The following MBD5 variants were observed in gnomAD, a reference collection of about 807,000 sequenced individuals.
The protein encoded by MBD5 is methyl-CpG binding domain protein 5.
MBD5 carries 13 observed loss-of-function variants against 117.3 expected under a neutral mutation model. The ratio of observed to expected loss-of-function variants is 0.11; its 90% CI spans 0.07 to 0.18. The LOEUF (loss-of-function observed/expected upper bound fraction) is 0.18. Ranked by LOEUF, MBD5 falls within the 10% of genes least tolerant of loss-of-function variation. MBD5 has a pLI of 1.00. For missense variants in MBD5, 1,879 were observed against 2,093.8 expected, an observed-to-expected ratio of 0.90 and a Z score of 2.00; for synonymous variants, 727 against 766.4, an observed-to-expected ratio of 0.95 and a Z score of 0.85.
At chr2:148,136,301 A>G (rs1390912991) in intron 1 of MBD5, among the ~76,000 whole-genome samples, 4 of 152,158 alleles carry the variant, frequency 2.6e-5, no homozygotes, top group Non-Finnish European at 4.4e-5. Context: ...TGTGTATTCA[A>G]ATTGAATTTA....
At position 148,173,379 on chromosome 2, in the gene MBD5, C is replaced by T. The variant is rs376802081; in HGVS notation, c.-924-5321C>T. Among the ~76,000 whole-genome samples the T allele has an allele frequency of 6.6e-5, 10 of 152,332 alleles. No individual in the cohort carries two copies. In the South Asian group the frequency reaches 1.0e-3, roughly 16 times the overall value. ...TGCCAGCGCCTGGGGCAGCCCACCC[C>T]GCTGCAGTCAGCACGCCTGGCTCTG... On this transcript the variant is annotated intron_variant, in intron 1 of 13. Transcript: ENST00000642680.
At position 148,489,682 on chromosome 2, in the gene MBD5, T is replaced by G; in HGVS notation, c.4050T>G (p.Ile1350Met). The change falls in exon 11 of 14, where the codon ATT (isoleucine) becomes ATG (methionine). Residue 1350 changes from isoleucine (I) to methionine (M), a missense_variant. Physicochemically the swap from Ile to Met is conservative, Grantham distance 10 (BLOSUM62 1). This residue lies in a region of MBD5 where 1,666 missense variants were observed against 1,792.2 expected (regional missense o/e 0.93). Coordinates refer to ENST00000642680, the MANE Select transcript of MBD5 (RefSeq NM_001378120.1). ...AVNSTTQISP[I>M]PALSAMSAFT... ...ACAGTACAACTCAGATCAGCCCCAT[T>G]CCAGCTCTGAGTGCCATGAGTGCCT... is the stretch of plus-strand genomic sequence containing the variant. 1 of 1,614,138 alleles carries G rather than the reference T, an allele frequency of 6.2e-7. No homozygotes were observed. Among genetic ancestry groups the G allele is most frequent in the Non-Finnish European group, 8.5e-7 (1 of 1,180,014 alleles).
At chr2:148,225,839 A>G (rs1332526596) in intron 2 of MBD5, among the ~76,000 whole-genome samples, 1 of 152,146 alleles carries the variant, frequency 6.6e-6, no homozygotes, top group African/African-American at 2.4e-5. Flanking sequence ...TTGGAACTCC[A>G]TTGTATGCTA....
intron 1 of MBD5, among the ~76,000 whole-genome samples, 170 bp from the exon 2 acceptor site, chr2:148,178,530 C>A (rs1199019061): frequency 6.6e-6 from 1 of 152,168 alleles, no homozygotes; most frequent in Non-Finnish European, 1.5e-5. Context: ...AACGGTTAAT[C>A]TTAATGTTAT....
intron 3 of MBD5, among the ~76,000 whole-genome samples, chr2:148,238,417 A>C (rs953981749): frequency 6.6e-6 from 1 of 152,224 alleles, no homozygotes; most frequent in Non-Finnish European, 1.5e-5. Context: ...TATTCCATTT[A>C]TAGGACAGAG....
chr2:148,285,908 T>G (rs1461765311), intron 3 of MBD5, among the ~76,000 whole-genome samples: 1 of 152,202 alleles, frequency 6.6e-6, no homozygotes, highest in East Asian at 1.9e-4. Flanking sequence ...ATTTATATTT[T>G]ATTAAAGTGA....
intron 4 of MBD5, among the ~76,000 whole-genome samples, chr2:148,369,049 G>A (rs1413294558): frequency 2.6e-5 from 4 of 152,024 alleles, no homozygotes; most frequent in East Asian, 1.9e-4. Flanking sequence ...ACACAGCATC[G>A]CCTCTGTAAT....
chr2:148,317,238 G>T (rs1258349940), intron 3 of MBD5, among the ~76,000 whole-genome samples: 1 of 151,798 alleles, frequency 6.6e-6, no homozygotes, highest in Non-Finnish European at 1.5e-5. Flanking sequence ...GCATGGTGGC[G>T]CATGCCTGTA....
chr2:148,054,579 A>G (rs1694806121), intron 1 of MBD5: 1 of 152,226 alleles, frequency 6.6e-6, no homozygotes, highest in Non-Finnish European at 1.5e-5. Context: ...TTTTTAGAAC[A>G]TTTTATGGCA....
intron 4 of MBD5, among the ~76,000 whole-genome samples, chr2:148,365,929 C>T (rs982260387): frequency 1.3e-5 from 2 of 152,028 alleles, no homozygotes; most frequent in Non-Finnish European, 2.9e-5. Context: ...CCTTCTGAAA[C>T]TATTCCAAAC....
At chr2:148,361,944 G>A (rs575654413) in intron 4 of MBD5, among the ~76,000 whole-genome samples, 1 of 152,342 alleles carries the variant, frequency 6.6e-6, no homozygotes, top group Non-Finnish European at 1.5e-5. Context: ...ATGCGGAACA[G>A]TGCACTCGGG....
intron 4 of MBD5, among the ~76,000 whole-genome samples, chr2:148,361,056 G>C (rs185148770): frequency 6.6e-6 from 1 of 152,154 alleles, no homozygotes; most frequent in Admixed American, 6.5e-5. Context: ...GAAAAAAAGT[G>C]CTGGGTTGGG....
intron 4 of MBD5, among the ~76,000 whole-genome samples, chr2:148,356,245 T>C (rs1251570786): frequency 6.6e-6 from 1 of 152,156 alleles, no homozygotes; most frequent in East Asian, 1.9e-4. Flanking sequence ...TAATCCCTCT[T>C]TTTCTTAAAT....
At position 148,343,900 on chromosome 2, in the gene MBD5, C is replaced by T. The variant is rs368508880; in HGVS notation, c.-557+1564C>T. On this transcript the variant is annotated intron_variant, in intron 4 of 13. Coordinates refer to ENST00000642680, the MANE Select transcript of MBD5 (RefSeq NM_001378120.1). ...TCTTTCCTAAGGCCCATGTCCAGAACGGTGTTTACTGGGTTTTCTTCTACC... is the reference window on the plus strand; with the variant it reads ...TCTTTCCTAAGGCCCATGTCCAGAATGGTGTTTACTGGGTTTTCTTCTACC... 9.2e-5 allele frequency among the ~76,000 whole-genome samples: 14 copies of T among 152,050 alleles called. No individual in the cohort carries two copies. The East Asian group carries it at 1.4e-3, about 15-fold the overall frequency.
chr2:148,449,285 T>C (rs569743367), intron 4 of MBD5, among the ~76,000 whole-genome samples: 1 of 152,228 alleles, frequency 6.6e-6, no homozygotes, highest in Admixed American at 6.6e-5. Context: ...CACCTCCTTA[T>C]GTATTTTCAA....
intron 4 of MBD5, among the ~76,000 whole-genome samples, chr2:148,446,600 A>ATGTG (rs1215172950): frequency 1.6e-3 from 16 of 9,962 alleles, no homozygotes; most frequent in East Asian, 4.5e-3. Context: ...CAGATTATTT[A>ATGTG]TCTGTGTGTG....
intron 1 of MBD5, among the ~76,000 whole-genome samples, chr2:148,170,895 G>A (rs555374288): frequency 3.9e-5 from 6 of 152,270 alleles, no homozygotes; most frequent in Non-Finnish European, 7.4e-5. Flanking sequence ...CCTAGAAGTG[G>A]ATAAATGCCT....
At position 148,063,693 on chromosome 2, in the gene MBD5, A is replaced by G. The variant is rs573162241; in HGVS notation, c.-925+42009A>G. On this transcript the variant is annotated intron_variant, in intron 1 of 13. Transcript: ENST00000642680. ...AAGTGGAGATCTTAATGGCCTCTCT[A>G]TTGGTGGCCTTTCCCACCACTGTAC... Among the ~76,000 whole-genome samples, 7 of 152,134 alleles carry G rather than the reference A, an allele frequency of 4.6e-5. No individual in the cohort carries two copies. The East Asian group carries it at 7.7e-4, about 17-fold the overall frequency.
chr2:148,057,952 T>C (rs2105803944), intron 1 of MBD5, among the ~76,000 whole-genome samples: 1 of 152,204 alleles, frequency 6.6e-6, no homozygotes, highest in East Asian at 1.9e-4. Flanking sequence ...TTCAAGTTTA[T>C]TGATTTTAAA....
Sources: gnomAD v4.1 joint callset for allele counts (sites outside exome capture counted in the v4.1 genomes callset) on GRCh38, gnomAD v4.1.1 for gene constraint, gnomAD v4.1.1 regional missense constraint, MANE v1.5 for transcripts, NCBI Gene and HGNC (gene_info 2026-07-23, HGNC 2026-07-21) for gene names.